The following FER variants were observed in gnomAD, a reference collection of about 807,000 sequenced individuals.
The protein encoded by FER is tyrosine-protein kinase Fer.
Under a neutral mutation model 111.0 loss-of-function variants are expected in FER, and 63 were observed. The ratio of observed to expected loss-of-function variants is 0.57; its 90% confidence interval spans 0.46 to 0.70. The LOEUF (loss-of-function observed/expected upper bound fraction) is 0.70, where lower values mean the gene tolerates loss of function less well. Ranked by LOEUF, FER falls within the 30% of genes least tolerant of loss-of-function variation. The pLI is 0.00. For missense variants in FER, 914 were observed against 954.0 expected, an observed-to-expected ratio of 0.96 and a Z score of 0.55; for synonymous variants, 327 against 313.9, an observed-to-expected ratio of 1.04 and a Z score of -0.44.
At chr5:109,011,450 C>T (rs72790525) in intron 13 of FER, among the ~76,000 whole-genome samples, 16,874 of 152,124 alleles carry the variant, frequency 0.11, 1,034 homozygotes, top group Non-Finnish European at 0.14. Context: ...TTTCTTGTCT[C>T]GCTCAGTTAC....
At chr5:108,821,517 A>G (rs1026450070) in intron 3 of FER, among the ~76,000 whole-genome samples, 1 of 152,082 alleles carries the variant, frequency 6.6e-6, no homozygotes, top group African/African-American at 2.4e-5. Context: ...GGCTGACACA[A>G]ATATGGTAGT....
At chr5:109,187,296 T>A in intron 19 of FER, 137 bp from the exon 20 acceptor site, 1 of 813,314 alleles carries the variant, frequency 1.2e-6, no homozygotes, top group Non-Finnish European at 1.9e-6. Flanking sequence ...AAACTCAGCC[T>A]CCCCAGAAAT....
intron 17 of FER, among the ~76,000 whole-genome samples, chr5:109,110,653 TTTATTA>T (rs1031729901): frequency 1.3e-5 from 2 of 152,022 alleles, no homozygotes. Context: ...ATTTTTTAAT[TTTATTA>T]TTATTATACT....
At chr5:108,752,687 C>T (rs1750633038) in intron 1 of FER, among the ~76,000 whole-genome samples, 2 of 151,870 alleles carry the variant, frequency 1.3e-5, no homozygotes, top group Admixed American at 1.3e-4. Context: ...CTAGGTAAAA[C>T]AAAGTTTTCT....
intron 13 of FER, among the ~76,000 whole-genome samples, chr5:108,978,426 C>T (rs188095996): frequency 9.3e-4 from 141 of 152,290 alleles, no homozygotes; most frequent in Non-Finnish European, 1.1e-3. Context: ...ATCTTTGTAA[C>T]GCTGCGCTCT....
At chr5:108,815,962 T>TA (rs898964987) in intron 3 of FER, among the ~76,000 whole-genome samples, 2 of 152,116 alleles carry the variant, frequency 1.3e-5, no homozygotes, top group African/African-American at 4.8e-5. Context: ...TTTCAACATT[T>TA]AAAAACTTGG....
chr5:108,919,589 A>G (rs1250893065), intron 10 of FER, among the ~76,000 whole-genome samples: 1 of 152,182 alleles, frequency 6.6e-6, no homozygotes, highest in Non-Finnish European at 1.5e-5. Flanking sequence ...TGTGCTAAAC[A>G]GTATGCTAGA....
chr5:109,026,488 T>G (rs1289756354), intron 13 of FER, among the ~76,000 whole-genome samples: 1 of 152,150 alleles, frequency 6.6e-6, no homozygotes, highest in African/African-American at 2.4e-5. Flanking sequence ...GATCAAATTC[T>G]GAATAATTCT....
chr5:108,777,217 G>A (rs1013963079), intron 2 of FER, among the ~76,000 whole-genome samples: 1 of 151,610 alleles, frequency 6.6e-6, no homozygotes, highest in Non-Finnish European at 1.5e-5. Flanking sequence ...GATATGGCTT[G>A]CAGATATTTG....
At chr5:108,759,337 A>G (rs1215448292) in intron 1 of FER, among the ~76,000 whole-genome samples, 4 of 152,192 alleles carry the variant, frequency 2.6e-5, no homozygotes, top group African/African-American at 4.8e-5. Flanking sequence ...ACCTCATCAG[A>G]ATAGCCTTTA....
intron 12 of FER, among the ~76,000 whole-genome samples, chr5:108,955,398 G>A (rs1431883862): frequency 6.6e-6 from 1 of 151,702 alleles, no homozygotes; most frequent in Non-Finnish European, 1.5e-5. Context: ...GATGATGGTT[G>A]AATTGGTTTT....
intron 16 of FER, among the ~76,000 whole-genome samples, chr5:109,058,052 C>G (rs1365987041): frequency 1.3e-5 from 2 of 152,040 alleles, no homozygotes; most frequent in African/African-American, 2.4e-5. Flanking sequence ...GGACTGAAAG[C>G]TGATTTAACT....
chr5:109,112,266 A>T (rs1312050720), intron 17 of FER, among the ~76,000 whole-genome samples: 3 of 152,148 alleles, frequency 2.0e-5, no homozygotes, highest in Non-Finnish European at 4.4e-5. Context: ...GTTAGATACC[A>T]AGGTATATTA....
intron 13 of FER, among the ~76,000 whole-genome samples, chr5:109,036,046 A>G (rs962328934): frequency 6.6e-6 from 1 of 152,162 alleles, no homozygotes; most frequent in African/African-American, 2.4e-5. Flanking sequence ...TTCTTCATAC[A>G]AATGCTTTAT....
chr5:109,119,367 T>C (rs1303301175), intron 17 of FER, among the ~76,000 whole-genome samples: 1 of 152,234 alleles, frequency 6.6e-6, no homozygotes, highest in Non-Finnish European at 1.5e-5. Flanking sequence ...CACTGTGGTC[T>C]GAGAGACAGT....
intron 16 of FER, among the ~76,000 whole-genome samples, chr5:109,050,521 T>G (rs1019947089): frequency 6.6e-6 from 1 of 152,208 alleles, no homozygotes; most frequent in African/African-American, 2.4e-5. Context: ...TCCCTGACTC[T>G]AGCTCAAAAG....
intron 5 of FER, among the ~76,000 whole-genome samples, chr5:108,837,763 A>T (rs1190079326): frequency 6.6e-6 from 1 of 152,178 alleles, no homozygotes; most frequent in Non-Finnish European, 1.5e-5. Flanking sequence ...ATGGAAAATC[A>T]TTATTCTTTA....
chr5:108,993,570 G>GGGGAGA (rs372340070), intron 13 of FER, among the ~76,000 whole-genome samples: 7,566 of 144,376 alleles, frequency 0.052, 497 homozygotes, highest in African/African-American at 0.15. Flanking sequence ...GGGAGACCGT[G>GGGGAGA]GGGAGAGGGA....
chr5:109,060,444 G>A (rs990235642), intron 16 of FER, among the ~76,000 whole-genome samples: 1 of 152,014 alleles, frequency 6.6e-6, no homozygotes, highest in Non-Finnish European at 1.5e-5. Context: ...ATAATACTTT[G>A]GGAGGCTGAG....
Sources: allele counts gnomAD v4.1 joint callset (sites outside exome capture counted in the v4.1 genomes callset), GRCh38; gene constraint gnomAD v4.1.1; transcripts MANE v1.5; gene names NCBI Gene and HGNC (gene_info 2026-07-23, HGNC 2026-07-21).